ADGRG2: variants seen among roughly 807,000 people sequenced by gnomAD.
ADGRG2 encodes G protein-coupled receptor 64.
In ADGRG2, 26 loss-of-function variants were observed where a neutral mutation model predicts 74.1. The ratio of observed to expected loss-of-function variants is 0.35; its 90% CI spans 0.26 to 0.49. The LOEUF is 0.49. ADGRG2 is among the 20% of genes least tolerant of loss of function. The pLI is 0.99. For missense variants in ADGRG2, 619 were observed against 763.1 expected, an observed-to-expected ratio of 0.81 and a Z score of 2.22; for synonymous variants, 296 against 295.2, an observed-to-expected ratio of 1.00 and a Z score of -0.03.
intron 1 of ADGRG2, among the ~76,000 whole-genome samples, chrX:19,102,790 G>A (rs1161500108): frequency 9.0e-6 from 1 of 110,543 alleles, no homozygotes; most frequent in Non-Finnish European, 1.9e-5. Context: ...ACAGTGAGAA[G>A]GCAGCTGTCT....
intron 2 of ADGRG2, among the ~76,000 whole-genome samples, chrX:19,079,510 T>C (rs2061808065): frequency 8.9e-6 from 1 of 112,182 alleles, no homozygotes; most frequent in Non-Finnish European, 1.9e-5. Context: ...ATTACCGTAG[T>C]AAGAGAAACA....
chrX:19,078,874 AGAGG>A (rs2061798926), intron 2 of ADGRG2, among the ~76,000 whole-genome samples: 1 of 110,159 alleles, frequency 9.1e-6, no homozygotes, highest in South Asian at 3.9e-4. Context: ...ATCAAGAGAC[AGAGG>A]GAGGGGAGGG....
chrX:19,075,779 C>T (rs1399483718), intron 2 of ADGRG2, among the ~76,000 whole-genome samples: 2 of 111,260 alleles, frequency 1.8e-5, no homozygotes, highest in Non-Finnish European at 3.8e-5. Flanking sequence ...GAATTCTGCT[C>T]TCAGGGAAAA....
chrX:19,028,273 T>C lies in ADGRG2; in HGVS notation c.359-35A>G, dbSNP rs747241917. ...AATTTTCAAAAAGATATTTGAGACT[T>C]GTATCCTTATAGCTTGAGGATTAAT... On this transcript the variant is annotated intron_variant, in intron 9 of 28. Transcript: ENST00000379869. The C allele has an allele frequency of 1.4e-5, 9 of 661,822 alleles. No individual in the cohort carries two copies. The African/African-American group carries it at 1.5e-4, about 11-fold the overall frequency. The allele number at this position is 661,822 out of a possible 1,213,427, so 54.5% of individuals were successfully genotyped here.
At position 19,002,853 on chromosome X, in the gene ADGRG2, G is replaced by A. The variant is rs759947862; in HGVS notation, c.2223C>T (p.Val741=). The change falls in exon 24 of 29, where the codon GTC becomes GTT. Residue 741 remains valine (V), a synonymous_variant. Transcript: ENST00000379869. ...IRKYILKFCI[V]GWGVPAVVVT... is the part of the protein sequence containing the mutation. ...AGGCAAGCTTATACATACCCCAACC[G>A]ACAATGCAGAATTTAAGGATGTATT... 3 of 1,208,844 alleles carry A rather than the reference G, an allele frequency of 2.5e-6. No individual in the cohort carries two copies. Among genetic ancestry groups the A allele is most frequent in the Non-Finnish European group, 3.4e-6 (3 of 893,172 alleles).
At chrX:19,045,549 C>A (rs765015466) in intron 3 of ADGRG2, among the ~76,000 whole-genome samples, 7 of 109,721 alleles carry the variant, frequency 6.4e-5, no homozygotes, top group South Asian at 8.0e-4. Flanking sequence ...CTCAAGTGAT[C>A]CGCCTGCCTT....
chrX:19,057,329 GA>G (rs1215501557), intron 3 of ADGRG2, among the ~76,000 whole-genome samples: 1 of 111,476 alleles, frequency 9.0e-6, no homozygotes, highest in East Asian at 2.8e-4. Context: ...ATCATCATAG[GA>G]AGGCACCTCC....
intron 19 of ADGRG2, 150 bp downstream of exon 19, chrX:19,007,830 T>C (rs1601870373): frequency 6.6e-6 from 3 of 457,456 alleles, no homozygotes. Flanking sequence ...TCATCACCAG[T>C]ATCATTAGGC....
intron 15 of ADGRG2, among the ~76,000 whole-genome samples, chrX:19,018,505 T>A (rs1364760355): frequency 9.0e-6 from 1 of 110,808 alleles, no homozygotes; most frequent in Admixed American, 9.7e-5. Flanking sequence ...TCAGTATTTT[T>A]TTTTAACTTT....
intron 12 of ADGRG2, 80 bp from the exon 13 acceptor site, chrX:19,023,533 T>G: frequency 1.8e-6 from 1 of 567,016 alleles, no homozygotes; most frequent in Admixed American, 3.4e-5. Context: ...GACCTAAGGC[T>G]AATCACAGAA....
chrX:19,037,728 G>T (rs908336287), intron 4 of ADGRG2, 92 bp from the exon 5 acceptor site: 7 of 653,460 alleles, frequency 1.1e-5, no homozygotes, highest in Non-Finnish European at 1.6e-5. Context: ...ATTACGAAAA[G>T]AAGTAGAAAA....
At chrX:19,078,695 GC>G (rs1248990625) in intron 2 of ADGRG2, among the ~76,000 whole-genome samples, 1 of 110,153 alleles carries the variant, frequency 9.1e-6, no homozygotes, top group Non-Finnish European at 1.9e-5. Flanking sequence ...AAAGAGAAAG[GC>G]TTAAAATTAA....
intron 11 of ADGRG2, among the ~76,000 whole-genome samples, chrX:19,024,720 G>T: frequency 8.9e-6 from 1 of 112,289 alleles, no homozygotes; most frequent in East Asian, 2.8e-4. Flanking sequence ...CAGCCTGCTG[G>T]AAGTCAAGAG....
chrX:19,100,616 C>A (rs1354085197), intron 1 of ADGRG2, among the ~76,000 whole-genome samples: 1 of 113,421 alleles, frequency 8.8e-6, no homozygotes, highest in Non-Finnish European at 1.9e-5. Context: ...ACTCAAATAC[C>A]GTCTGCTTCA....
At chrX:19,018,895 A>T (rs143964960) in intron 15 of ADGRG2, among the ~76,000 whole-genome samples, 3,383 of 111,435 alleles carry the variant, frequency 0.03, 83 homozygotes, top group African/African-American at 0.081. Context: ...CAGGCTGGAG[A>T]GCAGTGGCGC....
At chrX:19,029,856 A>G (rs901582341) in intron 9 of ADGRG2, among the ~76,000 whole-genome samples, 3 of 111,169 alleles carry the variant, frequency 2.7e-5, no homozygotes, top group Middle Eastern at 4.2e-3. Context: ...GGAGGGAGAG[A>G]AGGAGGAGGA....
At chrX:19,102,467 A>C (rs1045072316) in intron 1 of ADGRG2, among the ~76,000 whole-genome samples, 1 of 109,883 alleles carries the variant, frequency 9.1e-6, no homozygotes, top group Non-Finnish European at 1.9e-5. Flanking sequence ...GTGACCTCAT[A>C]CTTTTTCACT....
chrX:18,997,810 C>CA (rs745763103), intron 26 of ADGRG2, among the ~76,000 whole-genome samples: 26 of 111,341 alleles, frequency 2.3e-4, no homozygotes, highest in Non-Finnish European at 4.7e-4. Context: ...AATATGGGAG[C>CA]AAAAGCAACA....
Position 19,053,978 on chromosome X carries a change from C to A in ADGRG2, c.119-13754G>T, listed in dbSNP as rs184297986. ...CAAGAACAGTATGGGGGAAACCGCT[C>A]CCGTTATTCAATTATCTCCCACCGG... On this transcript the variant is annotated intron_variant, in intron 3 of 28. Transcript: ENST00000379869. 1.9e-3 allele frequency among the ~76,000 whole-genome samples: 216 copies of A among 111,417 alleles called. 1 individual carries two copies. The highest frequency in any genetic ancestry group is 6.4e-3 in the African/African-American group (195 of 30,672).
Sources: gnomAD v4.1 joint callset for allele counts (sites outside exome capture counted in the v4.1 genomes callset) on GRCh38, gnomAD v4.1.1 for gene constraint, MANE v1.5 for transcripts, NCBI Gene and HGNC (gene_info 2026-07-23, HGNC 2026-07-21) for gene names.